The following APP variants were observed in gnomAD, a reference collection of about 807,000 sequenced individuals.
APP encodes the protein amyloid-beta precursor protein.
In APP, 31 loss-of-function variants were observed where a neutral mutation model predicts 101.4. That is an observed-to-expected ratio of 0.31 (90% CI 0.23 to 0.41). The LOEUF is 0.41. APP is among the 10% of genes least tolerant of loss of function. The pLI is 1.00. For synonymous variants in APP, 366 were observed against 364.4 expected (o/e 1.00, Z -0.05); for missense variants, 839 against 1,003.7 (o/e 0.84, Z 2.22).
At chr21:25,957,577 C>T (rs1395014952) in intron 11 of APP, among the ~76,000 whole-genome samples, 1 of 152,118 alleles carries the variant, frequency 6.6e-6, no homozygotes, top group Non-Finnish European at 1.5e-5. Flanking sequence ...TCGCATTTAA[C>T]CATGATGTTC....
At chr21:26,152,247 T>C (rs13048234) in intron 1 of APP, among the ~76,000 whole-genome samples, 62,617 of 137,264 alleles carry the variant, frequency 0.46, 16,150 homozygotes, top group African/African-American at 0.75. Context: ...ATCGCGCCAC[T>C]GCACTCCAGT....
intron 2 of APP, among the ~76,000 whole-genome samples, chr21:26,104,114 C>T (rs1438226152): frequency 6.6e-6 from 1 of 152,126 alleles, no homozygotes; most frequent in Middle Eastern, 3.2e-3. Flanking sequence ...AAAAGGCAAG[C>T]TCTTTGGTAT....
At chr21:25,964,495 C>T (rs2041708523) in intron 11 of APP, among the ~76,000 whole-genome samples, 1 of 151,926 alleles carries the variant, frequency 6.6e-6, no homozygotes, top group Non-Finnish European at 1.5e-5. Context: ...CTCCTAGTTA[C>T]AGGTTATAAA....
chr21:26,122,191 T>C (rs2062588281), intron 1 of APP, among the ~76,000 whole-genome samples: 1 of 152,090 alleles, frequency 6.6e-6, no homozygotes, highest in Non-Finnish European at 1.5e-5. Flanking sequence ...AAAACCAACA[T>C]AGGTGGAGAG....
At chr21:25,955,800 C>T in intron 11 of APP, 45 bp from the exon 12 acceptor site, 1 of 1,613,446 alleles carries the variant, frequency 6.2e-7, no homozygotes, top group Non-Finnish European at 8.5e-7. Context: ...TTGTGCAAAA[C>T]ACTGCTTCTT....
intron 9 of APP, among the ~76,000 whole-genome samples, chr21:25,979,861 C>A: frequency 0.011 from 1 of 94 alleles, no homozygotes; most frequent in African/African-American, 0.045. Flanking sequence ...TAGCAGGCTT[C>A]ATGACTTGAG....
chr21:26,006,949 T>G (rs1177153570), intron 6 of APP, among the ~76,000 whole-genome samples: 2 of 152,204 alleles, frequency 1.3e-5, no homozygotes, highest in East Asian at 3.8e-4. Flanking sequence ...CTGGAATGTA[T>G]GTGAAATAAA....
At chr21:26,130,105 C>G (rs955367801) in intron 1 of APP, among the ~76,000 whole-genome samples, 9 of 152,286 alleles carry the variant, frequency 5.9e-5, no homozygotes, top group African/African-American at 2.2e-4. Context: ...TTGAGCATCA[C>G]ACAACAGCTG....
chr21:25,933,636 T>C (rs1022662323), intron 13 of APP, among the ~76,000 whole-genome samples: 9 of 152,208 alleles, frequency 5.9e-5, no homozygotes, highest in African/African-American at 2.2e-4. Context: ...ATTCACATTA[T>C]AGAGCATTTA....
chr21:26,140,367 A>T, intron 1 of APP: 1 of 1,489,552 alleles, frequency 6.7e-7, no homozygotes, highest in Non-Finnish European at 8.9e-7. Flanking sequence ...AACTTCTACC[A>T]CGCACAGCAA....
At chr21:25,962,594 G>A (rs773938476) in intron 11 of APP, among the ~76,000 whole-genome samples, 3 of 152,146 alleles carry the variant, frequency 2.0e-5, no homozygotes, top group Admixed American at 6.6e-5. Flanking sequence ...CCTACTTGAT[G>A]TATCTATATA....
intron 3 of APP, among the ~76,000 whole-genome samples, chr21:26,065,007 C>G (rs2046404425): frequency 6.6e-6 from 1 of 152,218 alleles, no homozygotes; most frequent in South Asian, 2.1e-4. Context: ...GCCTGCGCCA[C>G]CACGCCCAGC....
intron 6 of APP, among the ~76,000 whole-genome samples, chr21:26,013,656 T>A (rs1371381351): frequency 6.6e-6 from 1 of 152,102 alleles, no homozygotes; most frequent in Non-Finnish European, 1.5e-5. Flanking sequence ...TATTTTTTTT[T>A]AATTGGTAAA....
intron 6 of APP, among the ~76,000 whole-genome samples, chr21:26,004,085 G>A (rs561215727): frequency 2.0e-5 from 3 of 152,256 alleles, no homozygotes; most frequent in South Asian, 4.1e-4. Flanking sequence ...CAGCACCAGC[G>A]ATGTATGATG....
chr21:25,982,571 T>C, intron 8 of APP, 94 bp from the exon 9 acceptor site: 1 of 1,273,240 alleles, frequency 7.9e-7, no homozygotes, highest in South Asian at 1.3e-5. Context: ...TTCAGTTATT[T>C]CTCAGAACAG....
chr21:25,887,535 A>C (rs59418937), intron 17 of APP, among the ~76,000 whole-genome samples: 56 of 136,936 alleles, frequency 4.1e-4, no homozygotes, highest in South Asian at 1.5e-3. Flanking sequence ...AAAAAAAAAA[A>C]AAAAACAACA....
At chr21:25,927,851 A>G (rs966991255) in intron 13 of APP, among the ~76,000 whole-genome samples, 1 of 152,226 alleles carries the variant, frequency 6.6e-6, no homozygotes, top group African/African-American at 2.4e-5. Context: ...TCATAGATCA[A>G]AGAACTTAGA....
In APP at chr21:26,165,776, G is replaced by C. The variant is rs556207105; in HGVS notation, c.57+4788C>G. ...CACACAAAATAAACCTAAATAAAAT[G>C]ATCTCTTAGGTTTCTATTTCAGCAG... On this transcript the variant is annotated intron_variant, in intron 1 of 17. Coordinates refer to ENST00000346798, the MANE Select transcript of APP (RefSeq NM_000484.4). Among the ~76,000 whole-genome samples the C allele has an allele frequency of 2.6e-5, 4 of 152,112 alleles. No homozygotes were observed. The East Asian group carries it at 7.7e-4, about 29-fold the overall frequency.
chr21:25,982,566 T>C, intron 8 of APP, 89 bp from the exon 9 acceptor site: 1 of 1,334,724 alleles, frequency 7.5e-7, no homozygotes, highest in Non-Finnish European at 1.1e-6. Flanking sequence ...GTATTTTCAG[T>C]TATTTCTCAG....
Sources: gnomAD v4.1 joint callset for allele counts (sites outside exome capture counted in the v4.1 genomes callset) on GRCh38, gnomAD v4.1.1 for gene constraint, MANE v1.5 for transcripts, NCBI Gene and HGNC (gene_info 2026-07-23, HGNC 2026-07-21) for gene names.